The following TOGARAM2 variants were observed in gnomAD, a reference collection of about 807,000 sequenced individuals.
The protein encoded by TOGARAM2 is TOG array regulator of axonemal microtubules protein 2.
In TOGARAM2, 85 loss-of-function variants were observed where a neutral mutation model predicts 93.3. The ratio of observed to expected loss-of-function variants is 0.91; its 90% CI spans 0.76 to 1.09. The LOEUF is 1.09. TOGARAM2 is among the 50% of genes least tolerant of loss of function. The probability of loss-of-function intolerance (pLI) is 0.00; values close to 1 mark genes in which losing one functional copy is unlikely to be tolerated. For synonymous variants in TOGARAM2, 593 were observed against 552.8 expected, an observed-to-expected ratio of 1.07 and a Z score of -1.02; for missense variants, 1,277 against 1,334.5, an observed-to-expected ratio of 0.96 and a Z score of 0.67.
At chr2:29,010,952 A>C (rs1196133374) in intron 6 of TOGARAM2, among the ~76,000 whole-genome samples, 1 of 152,092 alleles carries the variant, frequency 6.6e-6, no homozygotes, top group East Asian at 1.9e-4. Context: ...TGCCACAGCA[A>C]AGGGGATCAG....
At chr2:28,976,569 C>T (rs760423998), upstream of TOGARAM2, among the ~76,000 whole-genome samples, 31 of 152,170 alleles carry the variant, frequency 2.0e-4, no homozygotes, top group Non-Finnish European at 4.1e-4. Flanking sequence ...GAGAGGCACA[C>T]CCCATGTGAG....
intron 4 of TOGARAM2, 60 bp from the exon 5 acceptor site, chr2:29,002,476 C>A: frequency 6.7e-7 from 1 of 1,494,484 alleles, no homozygotes; most frequent in Non-Finnish European, 9.1e-7. Context: ...GGGTCTGAAT[C>A]CACCTTCCAC....
chr2:28,976,373 A>AACAAC (rs1558395675), upstream of TOGARAM2, among the ~76,000 whole-genome samples: 1 of 151,832 alleles, frequency 6.6e-6, no homozygotes, highest in South Asian at 2.1e-4. Flanking sequence ...TCCATCTCAA[A>AACAAC]AACAACAACA....
chr2:29,005,741 ATATG>A (rs554796534), intron 6 of TOGARAM2, among the ~76,000 whole-genome samples: 483 of 12,552 alleles, frequency 0.038, 96 homozygotes, highest in African/African-American at 0.054. Context: ...GTGAGCACAT[ATATG>A]TGTGTATGTG....
intron 4 of TOGARAM2, among the ~76,000 whole-genome samples, chr2:29,001,604 G>A (rs934149844): frequency 6.6e-6 from 1 of 151,912 alleles, no homozygotes; most frequent in Non-Finnish European, 1.5e-5. Flanking sequence ...AGGTTCAAGC[G>A]ATTCTCCTGC....
At chr2:29,005,819 CATGTGTGTGCATGTGT>C (rs200510668) in intron 6 of TOGARAM2, among the ~76,000 whole-genome samples, 8,186 of 139,322 alleles carry the variant, frequency 0.059, 779 homozygotes, top group African/African-American at 0.17. Context: ...TGTGTGAGTG[CATGTGTGTGCATGTGT>C]ATGTGTCAGT....
intron 6 of TOGARAM2, among the ~76,000 whole-genome samples, chr2:29,005,412 CGTGT>C (rs149236438): frequency 1.4e-5 from 2 of 140,724 alleles, no homozygotes; most frequent in Non-Finnish European, 3.1e-5. Flanking sequence ...TGTGTGTGTG[CGTGT>C]GTGAGAGCAT....
chr2:29,006,063 G>GTGTA (rs971220742), intron 6 of TOGARAM2, among the ~76,000 whole-genome samples: 2 of 143,670 alleles, frequency 1.4e-5, no homozygotes, highest in East Asian at 4.3e-4. Context: ...GTGTGTGTAT[G>GTGTA]TGTATGTGTG....
intron 19 of TOGARAM2, chr2:29,045,840 CA>C: frequency 3.8e-6 from 1 of 261,132 alleles, no homozygotes; most frequent in Non-Finnish European, 7.4e-6. Context: ...CTTCTGGTAC[CA>C]AACATTTTAG....
At chr2:28,993,129 T>G (rs1672817678) in intron 1 of TOGARAM2, among the ~76,000 whole-genome samples, 1 of 152,084 alleles carries the variant, frequency 6.6e-6, no homozygotes, top group Non-Finnish European at 1.5e-5. Flanking sequence ...TAGACCTAAT[T>G]CAGCAGGGGC....
Position 29,026,890 on chromosome 2 carries a change from C to CAGG in TOGARAM2, c.1892_1893insGGA (p.His631delinsGlnAsp). 2 of 1,592,056 alleles carry CAGG rather than the reference C, an allele frequency of 1.3e-6. No homozygotes were observed. Among genetic ancestry groups the CAGG allele is most frequent in the Non-Finnish European group, 1.7e-6 (2 of 1,169,224 alleles). On this transcript the variant is annotated protein_altering_variant, in exon 14 of 20. Transcript: ENST00000379558. ...CTTGATCCGGAAATACGCGGCTGAG[C>CAGG]ACCTCTCAGCTGTGCTGGAGCAGAT... is the stretch of plus-strand genomic sequence containing the variant.
intron 1 of TOGARAM2, among the ~76,000 whole-genome samples, chr2:28,986,085 C>T (rs775684909): frequency 5.1e-4 from 74 of 144,244 alleles, no homozygotes; most frequent in Non-Finnish European, 9.9e-4. Context: ...TGACCTCCAG[C>T]CTGGCCGACA....
chr2:29,051,418 C>T (rs1341287992), intron 19 of TOGARAM2: 1 of 183,674 alleles, frequency 5.4e-6, no homozygotes, highest in Non-Finnish European at 1.1e-5. Flanking sequence ...CTGCCTCTTT[C>T]CTGTTCCCTG....
intron 1 of TOGARAM2, among the ~76,000 whole-genome samples, chr2:28,987,380 C>G (rs1422513334): frequency 1.3e-4 from 20 of 152,078 alleles, no homozygotes; most frequent in Non-Finnish European, 1.9e-4. Context: ...AACTCCGCCT[C>G]CCAGGTTCAC....
At chr2:29,022,393 C>G (rs1665012945) in intron 11 of TOGARAM2, 85 bp downstream of exon 11, 1 of 1,535,486 alleles carries the variant, frequency 6.5e-7, no homozygotes, top group South Asian at 1.2e-5. Flanking sequence ...AACTTCCCTC[C>G]TCTCCCACTC....
At chr2:28,967,339 G>C (rs1211041730) in intron 1 of TOGARAM2, among the ~76,000 whole-genome samples, 1 of 152,150 alleles carries the variant, frequency 6.6e-6, no homozygotes, top group South Asian at 2.1e-4. Flanking sequence ...GCCATGCATG[G>C]TGGAGTGCAC....
intron 1 of TOGARAM2, among the ~76,000 whole-genome samples, chr2:28,969,280 G>C (rs1358344330): frequency 1.3e-5 from 2 of 152,220 alleles, no homozygotes; most frequent in Non-Finnish European, 2.9e-5. Context: ...ATTGAAATGT[G>C]AGATTATTAG....
At chr2:29,029,158 T>C (rs1665589064) in intron 14 of TOGARAM2, among the ~76,000 whole-genome samples, 1 of 152,222 alleles carries the variant, frequency 6.6e-6, no homozygotes, top group South Asian at 2.1e-4. Flanking sequence ...CGCATGTTTA[T>C]AGCAGCACAA....
chr2:29,050,281 C>T (rs1666990574), intron 19 of TOGARAM2: 3 of 152,146 alleles, frequency 2.0e-5, no homozygotes, highest in African/African-American at 4.8e-5. Flanking sequence ...TTACTTGAGC[C>T]TAGGAGGTCG....
Sources: allele counts gnomAD v4.1 joint callset (sites outside exome capture counted in the v4.1 genomes callset), GRCh38; gene constraint gnomAD v4.1.1; transcripts MANE v1.5; gene names NCBI Gene and HGNC (gene_info 2026-07-23, HGNC 2026-07-21).